SCMH1: variants seen among roughly 807,000 people sequenced by gnomAD.
SCMH1 encodes polycomb protein SCMH1.
SCMH1 carries 37 observed loss-of-function variants against 70.8 expected under a neutral mutation model. The observed-to-expected ratio is 0.52, with a 90% CI of 0.40 to 0.69. The LOEUF (loss-of-function observed/expected upper bound fraction) is 0.69. Ranked by LOEUF, SCMH1 falls within the 30% of genes least tolerant of loss-of-function variation. SCMH1 has a pLI of 0.00. For synonymous variants in SCMH1, 292 were observed against 307.4 expected, an observed-to-expected ratio of 0.95 and a Z score of 0.52; for missense variants, 607 against 827.3, an observed-to-expected ratio of 0.73 and a Z score of 3.27.
At chr1:41,209,181 C>G (rs561398336) in intron 1 of SCMH1, among the ~76,000 whole-genome samples, 9 of 152,308 alleles carry the variant, frequency 5.9e-5, no homozygotes, top group South Asian at 2.1e-4. Context: ...AGTTGAATCT[C>G]TGAATAGACC....
At chr1:41,206,163 G>A (rs1454525913) in intron 1 of SCMH1, among the ~76,000 whole-genome samples, 1 of 152,176 alleles carries the variant, frequency 6.6e-6, no homozygotes, top group Non-Finnish European at 1.5e-5. Flanking sequence ...CTCCTCACCA[G>A]CAACAGAATA....
At chr1:41,032,458 G>A (rs764239001) in intron 13 of SCMH1, among the ~76,000 whole-genome samples, 2 of 152,188 alleles carry the variant, frequency 1.3e-5, no homozygotes, top group Non-Finnish European at 2.9e-5. Context: ...GGAGAAAGTG[G>A]TGTGAAATAA....
At chr1:41,141,760 T>C (rs913244879) in intron 6 of SCMH1, among the ~76,000 whole-genome samples, 1 of 152,176 alleles carries the variant, frequency 6.6e-6, no homozygotes, top group African/African-American at 2.4e-5. Flanking sequence ...AAAGGACATA[T>C]CAACTAACTG....
At chr1:41,042,924 G>A (rs755222018) in intron 12 of SCMH1, among the ~76,000 whole-genome samples, 3 of 152,118 alleles carry the variant, frequency 2.0e-5, no homozygotes, top group Non-Finnish European at 4.4e-5. Flanking sequence ...AAAAAAAAAG[G>A]TGGATAACTG....
intron 8 of SCMH1, among the ~76,000 whole-genome samples, chr1:41,109,078 A>G (rs1557477896): frequency 6.6e-6 from 1 of 152,182 alleles, no homozygotes; most frequent in Admixed American, 6.5e-5. Flanking sequence ...TGTGAAAACA[A>G]TATGCCTCAG....
intron 1 of SCMH1, among the ~76,000 whole-genome samples, chr1:41,228,339 T>C (rs1420551210): frequency 1.3e-5 from 2 of 152,228 alleles, no homozygotes; most frequent in Middle Eastern, 6.8e-3. Flanking sequence ...AGATGGATGG[T>C]GATGAGGGTT....
intron 2 of SCMH1, among the ~76,000 whole-genome samples, chr1:41,172,727 T>G (rs529623499): frequency 3.9e-5 from 6 of 152,120 alleles, no homozygotes; most frequent in Non-Finnish European, 7.4e-5. Flanking sequence ...AGTACTGGCA[T>G]AAGAACACAC....
chr1:41,128,354 T>C (rs1346852409), intron 6 of SCMH1, among the ~76,000 whole-genome samples: 2 of 152,204 alleles, frequency 1.3e-5, no homozygotes, highest in African/African-American at 4.8e-5. Flanking sequence ...CTGATATGCT[T>C]GTGATTAATT....
intron 6 of SCMH1, among the ~76,000 whole-genome samples, chr1:41,127,640 A>G (rs947706605): frequency 2.0e-5 from 3 of 152,196 alleles, no homozygotes; most frequent in African/African-American, 4.8e-5. Flanking sequence ...CCCCAAATTA[A>G]TATGTTGAAG....
intron 9 of SCMH1, among the ~76,000 whole-genome samples, chr1:41,074,507 T>C (rs1456095608): frequency 2.0e-5 from 3 of 151,864 alleles, no homozygotes; most frequent in Admixed American, 2.0e-4. Context: ...GAGGTAGAGA[T>C]AGCAAAATAT....
At chr1:41,043,745 A>T (rs1185446525) in intron 12 of SCMH1, 2 of 151,862 alleles carry the variant, frequency 1.3e-5, no homozygotes, top group African/African-American at 4.8e-5. Flanking sequence ...ATTAGTTTTT[A>T]TTTATGTTAA....
intron 1 of SCMH1, among the ~76,000 whole-genome samples, chr1:41,195,991 G>T (rs1254242229): frequency 1.3e-5 from 2 of 151,920 alleles, no homozygotes; most frequent in Non-Finnish European, 2.9e-5. Context: ...AAATATTTAG[G>T]AATAAATTTA....
intron 10 of SCMH1, among the ~76,000 whole-genome samples, chr1:41,057,305 G>A (rs1312111542): frequency 3.3e-5 from 5 of 151,888 alleles, no homozygotes; most frequent in South Asian, 2.1e-4. Flanking sequence ...TTGCTCTGTC[G>A]CCCAGGCCGG....
rs970202539 is a variant in SCMH1, at chr1:41,187,290, C to T, written c.-117-1040G>A. 4.6e-5 allele frequency among the ~76,000 whole-genome samples: 7 copies of T among 151,608 alleles called. No individual in the cohort carries two copies. The East Asian group carries it at 1.4e-3, about 29-fold the overall frequency. ...CAGCCTGGCCAACATGGCGAAACCCCATCTCTACTAAAAATACAAAAATTA... is the reference window on the plus strand; with the variant it reads ...CAGCCTGGCCAACATGGCGAAACCCTATCTCTACTAAAAATACAAAAATTA... On this transcript the variant is annotated intron_variant, in intron 1 of 14. Coordinates refer to ENST00000337495, the Ensembl canonical transcript of SCMH1.
chr1:41,187,324 T>C (rs1650490589), intron 1 of SCMH1, among the ~76,000 whole-genome samples: 1 of 151,246 alleles, frequency 6.6e-6, no homozygotes, highest in South Asian at 2.1e-4. Flanking sequence ...TAGCCAAGCA[T>C]GGTGGCACAT....
chr1:41,134,917 T>C (rs1009179380), intron 6 of SCMH1, among the ~76,000 whole-genome samples: 1 of 152,204 alleles, frequency 6.6e-6, no homozygotes, highest in Non-Finnish European at 1.5e-5. Flanking sequence ...TTTTTGCTAG[T>C]AGTGTGTTGA....
chr1:41,066,738 G>A (rs1275737827), intron 10 of SCMH1, among the ~76,000 whole-genome samples: 4 of 151,818 alleles, frequency 2.6e-5, no homozygotes, highest in Middle Eastern at 3.2e-3. Flanking sequence ...GCACATCAGC[G>A]TGCCCAGCTG....
At chr1:41,121,873 A>C (rs568046707) in intron 6 of SCMH1, among the ~76,000 whole-genome samples, 13 of 152,184 alleles carry the variant, frequency 8.5e-5, no homozygotes, top group Non-Finnish European at 1.8e-4. Flanking sequence ...GACCTAAAAG[A>C]CTAGAAGTCA....
chr1:41,143,279 G>A (rs1488660901), intron 5 of SCMH1, among the ~76,000 whole-genome samples, 167 bp from the exon 6 acceptor site: 1 of 151,874 alleles, frequency 6.6e-6, no homozygotes, highest in Non-Finnish European at 1.5e-5. Context: ...AAGATGAAGG[G>A]GAAAAAATTA....
Sources: allele counts gnomAD v4.1 joint callset (sites outside exome capture counted in the v4.1 genomes callset), GRCh38; gene constraint gnomAD v4.1.1; transcripts MANE v1.5; gene names NCBI Gene and HGNC (gene_info 2026-07-23, HGNC 2026-07-21).